DPH7: variants seen among roughly 807,000 people sequenced by gnomAD.
DPH7 encodes diphthine methyltransferase.
In DPH7, 44 loss-of-function variants were observed where a neutral mutation model predicts 41.7. That is an observed-to-expected ratio of 1.05 (90% CI 0.83 to 1.36). The LOEUF (loss-of-function observed/expected upper bound fraction) is 1.36. Ranked by LOEUF, DPH7 falls within the 40% of genes most tolerant of loss-of-function variation. The pLI, the probability that DPH7 is intolerant of heterozygous loss-of-function variation, is 0.00. For synonymous variants in DPH7, 275 were observed against 238.0 expected, an observed-to-expected ratio of 1.16 and a Z score of -1.43; for missense variants, 629 against 577.5, an observed-to-expected ratio of 1.09 and a Z score of -0.91.
chr9:137,576,429 A>G (rs1422727623), intron 2 of DPH7: 3 of 472,076 alleles, frequency 6.4e-6, no homozygotes, highest in Non-Finnish European at 7.7e-6. Flanking sequence ...TACAGTAAGA[A>G]TACAATATAA....
intron 5 of DPH7, among the ~76,000 whole-genome samples, chr9:137,573,682 CAAAAAAAAAAAAAAAA>C (rs61028786): frequency 1.5e-4 from 4 of 25,914 alleles, no homozygotes; most frequent in Non-Finnish European, 2.2e-4. Context: ...GACTCTGTCT[CAAAAAAAAAAAAAAAA>C]AAAAAAAAAA....
In DPH7 at chr9:137,578,919, C is replaced by A; in HGVS notation, c.-142G>T. ...CACCGTCAGCGCGGGCCGCCTCTCT[C>A]GCGACTCCTTCCGGGGTGCCGGGGC... On this transcript the variant is annotated 5_prime_UTR_variant, in exon 1 of 9. Coordinates refer to ENST00000277540, the MANE Select transcript of DPH7 (RefSeq NM_138778.5). 1 of 908,488 alleles carries A rather than the reference C, an allele frequency of 1.1e-6. No individual in the cohort carries two copies. Among genetic ancestry groups the A allele is most frequent in the Non-Finnish European group, 1.5e-6 (1 of 686,040 alleles). 56.3% of individuals were successfully genotyped at this position (908,488 alleles called of 1,614,324 possible).
intron 3 of DPH7, chr9:137,575,220 A>C (rs748020114): frequency 9.9e-6 from 10 of 1,007,538 alleles, no homozygotes; most frequent in Non-Finnish European, 1.2e-5. Context: ...GGGCCACTGG[A>C]ACACTCGCCT....
At position 137,578,621 on chromosome 9, in the gene DPH7, G is replaced by T. The variant is rs566769908; in HGVS notation, c.153+4C>A. 4 of 1,465,930 alleles carry T rather than the reference G, an allele frequency of 2.7e-6. No homozygotes were observed. The African/African-American group carries it at 5.9e-5, about 22-fold the overall frequency. 90.8% of individuals were successfully genotyped at this position (1,465,930 alleles called of 1,614,324 possible). Reference sequence around the variant, plus strand: ...CTCCCCTCCCGAAGCCGCGGCGCGCGCACCTTGTTCTGGGGGCCGGCAGGC... The same window carrying T: ...CTCCCCTCCCGAAGCCGCGGCGCGCTCACCTTGTTCTGGGGGCCGGCAGGC... On this transcript the variant is annotated splice_donor_region_variant and intron_variant, in intron 1 of 8. Coordinates refer to ENST00000277540, the MANE Select transcript of DPH7 (RefSeq NM_138778.5).
At chr9:137,562,788 G>A (rs1588839071) in intron 8 of DPH7, among the ~76,000 whole-genome samples, 2 of 152,112 alleles carry the variant, frequency 1.3e-5, no homozygotes, top group East Asian at 3.9e-4. Flanking sequence ...CCAACGTGGT[G>A]AAACCCCGTC....
At chr9:137,565,030 C>G in intron 6 of DPH7, 55 bp downstream of exon 6, 1 of 1,612,172 alleles carries the variant, frequency 6.2e-7, no homozygotes, top group South Asian at 1.1e-5. Flanking sequence ...GGGCTGGTGA[C>G]CCAGGGAACG....
At chr9:137,559,565 A>G (rs1280018305) in intron 8 of DPH7, among the ~76,000 whole-genome samples, 1 of 152,184 alleles carries the variant, frequency 6.6e-6, no homozygotes, top group African/African-American at 2.4e-5. Context: ...GTCCGCCTTC[A>G]TGTTCCATCC....
rs368988994 is a variant in DPH7 at position 137,564,477 on chromosome 9, G to A, written c.906C>T (p.Cys302=). ...TGAGGATCTTAAAGCCACTGTGCAT[G>A]CAGGCGGCCAGGAGCAGGTGGTGGT... The part of the protein sequence containing the change: ...PFHHHLLLAA[C]MHSGFKILNC... Residue 302 remains cysteine (C), a synonymous_variant, in exon 8 of 9, where the codon TGC becomes TGT. Transcript: ENST00000277540. 7 of 1,614,012 alleles carry A rather than the reference G, an allele frequency of 4.3e-6. No individual in the cohort carries two copies. The African/African-American group carries it at 5.3e-5, about 12-fold the overall frequency.
Position 137,577,490 on chromosome 9 carries a change from A to C in DPH7, c.267T>G (p.Ser89=), listed in dbSNP as rs1238010795. Residue 89 remains serine, a synonymous_variant, in exon 2 of 9, where the codon TCT becomes TCG. Transcript: ENST00000277540. The part of the protein sequence containing the change: ...PLVEVQRKDT[S]AILDMKWCHI... ...TATACCATTTCATGTCCAGGATTGCAGAAGTATCTTTTCTTTGGACCTCGA... is the reference window on the plus strand; with the variant it reads ...TATACCATTTCATGTCCAGGATTGCCGAAGTATCTTTTCTTTGGACCTCGA... The C allele has an allele frequency of 6.2e-7, 1 of 1,614,098 alleles. No homozygotes were observed. Among genetic ancestry groups the C allele is most frequent in the Non-Finnish European group, 8.5e-7 (1 of 1,179,988 alleles).
At chr9:137,575,921 C>T in intron 3 of DPH7, 159 bp downstream of exon 3, 1 of 1,437,950 alleles carries the variant, frequency 7.0e-7, no homozygotes, top group Non-Finnish European at 9.1e-7. Context: ...GAACGCAATA[C>T]AACTTAAAAA....
chr9:137,555,474 G>A lies in DPH7; in HGVS notation c.1124C>T (p.Thr375Ile). Reference sequence around the variant, plus strand: ...ATCCTCTCTGCATTCATGACAGGGTGTTGGCAACTCGCTTGCACCCTTCAG... The same window carrying A: ...ATCCTCTCTGCATTCATGACAGGGTATTGGCAACTCGCTTGCACCCTTCAG... ...ADLKGASELPTPCHECREDND... is the reference protein window; with the variant it reads ...ADLKGASELPIPCHECREDND... The change falls in exon 9 of 9, where the codon ACA becomes ATA. Residue 375 changes from threonine (T) to isoleucine (I), a missense_variant. Physicochemically the swap from Thr to Ile is moderately conservative, Grantham distance 89. Transcript: ENST00000277540. 3 of 1,614,138 alleles carry A rather than the reference G, an allele frequency of 1.9e-6. No individual in the cohort carries two copies. The South Asian group carries it at 3.3e-5, about 18-fold the overall frequency.
At chr9:137,558,667 T>G (rs1370298676) in intron 8 of DPH7, among the ~76,000 whole-genome samples, 1 of 152,038 alleles carries the variant, frequency 6.6e-6, no homozygotes, top group Non-Finnish European at 1.5e-5. Context: ...GGGGGAGGGA[T>G]GTTTGGGGTG....
intron 8 of DPH7, among the ~76,000 whole-genome samples, chr9:137,561,563 G>A (rs1339552562): frequency 8.4e-4 from 73 of 87,376 alleles, no homozygotes; most frequent in Admixed American, 1.7e-3. Flanking sequence ...AAAAAAAAAA[G>A]CATGACCCCA....
intron 1 of DPH7, among the ~76,000 whole-genome samples, chr9:137,577,842 G>A (rs1363023421): frequency 6.6e-6 from 1 of 152,206 alleles, no homozygotes. Context: ...GCTATGGCTA[G>A]GGTAACCACA....
intron 8 of DPH7, among the ~76,000 whole-genome samples, chr9:137,561,965 C>T (rs1379588059): frequency 2.0e-5 from 3 of 152,074 alleles, no homozygotes; most frequent in East Asian, 1.9e-4. Flanking sequence ...CCTGGGTTCA[C>T]GCCATTCTCC....
At chr9:137,578,090 G>C in intron 1 of DPH7, 3 of 650,698 alleles carry the variant, frequency 4.6e-6, no homozygotes, top group Non-Finnish European at 5.7e-6. Flanking sequence ...GGTTGAGGCG[G>C]GAGGATGCCC....
intron 5 of DPH7, 114 bp downstream of exon 5, chr9:137,574,094 T>C: frequency 4.4e-6 from 5 of 1,141,304 alleles, no homozygotes; most frequent in Non-Finnish European, 6.2e-6. Flanking sequence ...CCATAAAAGG[T>C]CTTCAAGATC....
At position 137,577,586 on chromosome 9, in the gene DPH7, C is replaced by T; in HGVS notation, c.171G>A (p.Lys57=). 1 of 1,613,846 alleles carries T rather than the reference C, an allele frequency of 6.2e-7. No individual in the cohort carries two copies. The highest frequency in any genetic ancestry group is 8.5e-7 in the Non-Finnish European group (1 of 1,179,890). The change falls in exon 2 of 9, where the codon AAG becomes AAA. Residue 57 remains lysine, a synonymous_variant. Coordinates refer to ENST00000277540, the MANE Select transcript of DPH7 (RefSeq NM_138778.5). ...GACGGCCTAAACGGACCTGAGGCTCCTTAACTTCCATTCCACCCTACAAAA... is the reference window on the plus strand; with the variant it reads ...GACGGCCTAAACGGACCTGAGGCTCTTTAACTTCCATTCCACCCTACAAAA... ...GPQNKGGMEV[K]EPQVRLGRLF... is the part of the protein sequence containing the mutation.
intron 8 of DPH7, among the ~76,000 whole-genome samples, chr9:137,561,707 CA>C (rs1838640195): frequency 6.6e-6 from 1 of 152,048 alleles, no homozygotes; most frequent in South Asian, 2.1e-4. Flanking sequence ...GATTTAAAGA[CA>C]GACACTTTAT....
Sources: gnomAD v4.1 joint callset for allele counts (sites outside exome capture counted in the v4.1 genomes callset) on GRCh38, gnomAD v4.1.1 for gene constraint, MANE v1.5 for transcripts, NCBI Gene and HGNC (gene_info 2026-07-23, HGNC 2026-07-21) for gene names.